ANKRD13C: variants seen among roughly 807,000 people sequenced by gnomAD.
ANKRD13C encodes the protein ankyrin repeat domain-containing protein 13C.
In ANKRD13C, 16 loss-of-function variants were observed where a neutral mutation model predicts 65.5. That is an observed-to-expected ratio of 0.24 (90% CI 0.17 to 0.37). The LOEUF (loss-of-function observed/expected upper bound fraction) is 0.37, where lower values mean the gene tolerates loss of function less well. Ranked by LOEUF, ANKRD13C falls within the 10% of genes least tolerant of loss-of-function variation. The pLI, the probability that ANKRD13C is intolerant of heterozygous loss-of-function variation, is 1.00. For synonymous variants in ANKRD13C, 235 were observed against 238.7 expected (o/e 0.98, Z 0.14); for missense variants, 503 against 655.9 (o/e 0.77, Z 2.55).
chr1:70,335,326 A>C (rs1479783459), intron 2 of ANKRD13C, among the ~76,000 whole-genome samples: 1 of 151,980 alleles, frequency 6.6e-6, no homozygotes, highest in East Asian at 1.9e-4. Context: ...GAATTGCTTA[A>C]ACCTGGGAGG....
rs188551472 is a variant in ANKRD13C, at chr1:70,323,811, G to A, written c.577+1042C>T. The stretch of plus-strand genomic sequence containing the variant: ...GCGATCTCGGCTCACTGCAACCTCC[G>A]CCTCCCAGGCTCAGGCGATTCTCGT... On this transcript the variant is annotated intron_variant, in intron 3 of 12. Coordinates refer to ENST00000370944, the MANE Select transcript of ANKRD13C (RefSeq NM_030816.5). 3.9e-3 allele frequency among the ~76,000 whole-genome samples: 575 copies of A among 148,762 alleles called. 3 individuals carry two copies. The highest frequency in any genetic ancestry group is 0.013 in the African/African-American group (524 of 40,390).
At chr1:70,278,059 C>T (rs190987939) in intron 9 of ANKRD13C, among the ~76,000 whole-genome samples, 1 of 151,082 alleles carries the variant, frequency 6.6e-6, no homozygotes, top group Non-Finnish European at 1.5e-5. Flanking sequence ...TGTGGTGGTG[C>T]GTGCCTGTGG....
chr1:70,320,655 T>C (rs1681266136), intron 3 of ANKRD13C, among the ~76,000 whole-genome samples: 2 of 151,784 alleles, frequency 1.3e-5, no homozygotes, highest in African/African-American at 4.8e-5. Flanking sequence ...TATCTTTGAG[T>C]GATATTATTT....
intron 9 of ANKRD13C, among the ~76,000 whole-genome samples, chr1:70,290,877 C>A (rs558438882): frequency 1.3e-5 from 2 of 149,828 alleles, no homozygotes; most frequent in East Asian, 4.0e-4. Context: ...TATTTAGATA[C>A]AAATTTTTTT....
chr1:70,271,907 T>G (rs1467220553), intron 11 of ANKRD13C, among the ~76,000 whole-genome samples: 1 of 152,240 alleles, frequency 6.6e-6, no homozygotes, highest in Non-Finnish European at 1.5e-5. Flanking sequence ...TATCTATTGC[T>G]CATGTAATTT....
intron 12 of ANKRD13C, among the ~76,000 whole-genome samples, chr1:70,268,864 A>AT (rs201984715): frequency 6.6e-6 from 1 of 151,494 alleles, no homozygotes; most frequent in Non-Finnish European, 1.5e-5. Flanking sequence ...AATTTCCAAA[A>AT]TTTTTTTTTG....
Position 70,313,730 on chromosome 1 carries a change from A to G in ANKRD13C, c.709+15T>C, listed in dbSNP as rs370006155. 63 of 1,591,714 alleles carry G rather than the reference A, an allele frequency of 4.0e-5. No homozygotes were observed. Among genetic ancestry groups the G allele is most frequent in the African/African-American group, 9.4e-5 (7 of 74,452 alleles). On this transcript the variant is annotated intron_variant, in intron 5 of 12. Transcript: ENST00000370944. ...ATAAGTACATATTTTATACTAAAAC[A>G]TAGCATACTCTTACCCCAGCTTTGA...
intron 2 of ANKRD13C, among the ~76,000 whole-genome samples, chr1:70,328,020 G>A (rs1375276437): frequency 2.6e-5 from 4 of 151,996 alleles, no homozygotes; most frequent in African/African-American, 9.7e-5. Context: ...AGCCGAGACT[G>A]TACCACTGAG....
Position 70,354,459 on chromosome 1 carries a change from G to A in ANKRD13C, c.-51C>T. On this transcript the variant is annotated 5_prime_UTR_variant, in exon 1 of 13. Coordinates refer to ENST00000370944, the MANE Select transcript of ANKRD13C (RefSeq NM_030816.5). ...AATCGGGAGGCTCACCGCTGGCGACGGAGCTGGCGCTGCGGCGGCACAAGG... is the reference window on the plus strand; with the variant it reads ...AATCGGGAGGCTCACCGCTGGCGACAGAGCTGGCGCTGCGGCGGCACAAGG... 3 of 1,558,992 alleles carry A rather than the reference G, an allele frequency of 1.9e-6. No individual in the cohort carries two copies. The highest frequency in any genetic ancestry group is 2.6e-6 in the Non-Finnish European group (3 of 1,154,536).
At chr1:70,319,841 A>G (rs1681231434) in intron 3 of ANKRD13C, among the ~76,000 whole-genome samples, 1 of 152,060 alleles carries the variant, frequency 6.6e-6, no homozygotes, top group South Asian at 2.1e-4. Flanking sequence ...TCAGAATGCC[A>G]CAGAATATTC....
At chr1:70,326,231 C>CAAAAAAAAAAAAAAAAAAAAAA (rs59618915) in intron 2 of ANKRD13C, among the ~76,000 whole-genome samples, 1 of 31,068 alleles carries the variant, frequency 3.2e-5, no homozygotes, top group African/African-American at 1.0e-4. Flanking sequence ...AACTCTGTCT[C>CAAAAAAAAAAAAAAAAAAAAAA]AAAAAAAAAA....
chr1:70,348,055 T>C (rs1433061971), intron 1 of ANKRD13C, among the ~76,000 whole-genome samples: 2 of 152,164 alleles, frequency 1.3e-5, no homozygotes, highest in African/African-American at 4.8e-5. Context: ...TGTTCACCAG[T>C]AGCTAAAATT....
intron 2 of ANKRD13C, among the ~76,000 whole-genome samples, chr1:70,325,783 G>A (rs1390141923): frequency 6.6e-6 from 1 of 152,190 alleles, no homozygotes; most frequent in Non-Finnish European, 1.5e-5. Flanking sequence ...GGAGGCTGAG[G>A]CAGGAGAATC....
intron 5 of ANKRD13C, among the ~76,000 whole-genome samples, chr1:70,312,143 TAA>T (rs1680874590): frequency 6.6e-6 from 1 of 152,182 alleles, no homozygotes. Context: ...AATTGTTAAT[TAA>T]AGTTTAAATC....
chr1:70,300,758 G>T lies in ANKRD13C; in HGVS notation c.921+6C>A. The T allele has an allele frequency of 6.3e-7, 1 of 1,587,986 alleles. No individual in the cohort carries two copies. The highest frequency in any genetic ancestry group is 8.6e-7 in the Non-Finnish European group (1 of 1,169,126). The stretch of plus-strand genomic sequence containing the variant: ...TAAAGGAATATTGATAAGACAACAT[G>T]CTCACCTCATGATGTATTCGCTGAT... On this transcript the variant is annotated splice_donor_region_variant and intron_variant, in intron 7 of 12. Transcript: ENST00000370944.
At chr1:70,301,814 G>A (rs1324414471) in intron 6 of ANKRD13C, among the ~76,000 whole-genome samples, 6 of 152,154 alleles carry the variant, frequency 3.9e-5, no homozygotes, top group Non-Finnish European at 7.3e-5. Context: ...ATACACTGAC[G>A]TGCTTCAGTC....
intron 1 of ANKRD13C, among the ~76,000 whole-genome samples, chr1:70,351,589 G>A (rs961353082): frequency 6.6e-6 from 1 of 151,962 alleles, no homozygotes; most frequent in Non-Finnish European, 1.5e-5. Flanking sequence ...CAGTAGAGAC[G>A]GGGTTTCACT....
intron 9 of ANKRD13C, among the ~76,000 whole-genome samples, chr1:70,281,488 G>A (rs1005699886): frequency 7.2e-6 from 1 of 139,534 alleles, no homozygotes; most frequent in Admixed American, 7.8e-5. Context: ...CTGCAGCCAT[G>A]ACCTCCTGGA....
chr1:70,279,955 G>A (rs1037409176), intron 9 of ANKRD13C, among the ~76,000 whole-genome samples: 16 of 152,248 alleles, frequency 1.1e-4, no homozygotes, highest in African/African-American at 3.9e-4. Flanking sequence ...TTCCCTTATG[G>A]TATAATGGAG....
Sources: gnomAD v4.1 joint callset for allele counts (sites outside exome capture counted in the v4.1 genomes callset) on GRCh38, gnomAD v4.1.1 for gene constraint, MANE v1.5 for transcripts, NCBI Gene and HGNC (gene_info 2026-07-23, HGNC 2026-07-21) for gene names.